Variants in PEX1 observed in about 807,000 individuals in gnomAD.
The protein encoded by PEX1 is peroxisomal ATPase PEX1.
In PEX1, 97 loss-of-function variants were observed where a neutral mutation model predicts 152.5. The ratio of observed to expected loss-of-function variants is 0.64; its 90% CI spans 0.54 to 0.75. PEX1 has a LOEUF of 0.75. Among genes scored for constraint, PEX1 ranks in the 30% least tolerant of loss-of-function variants. The probability of loss-of-function intolerance (pLI) is 0.00; values close to 1 mark genes in which losing one functional copy is unlikely to be tolerated. For synonymous variants in PEX1, 485 were observed against 531.6 expected, an observed-to-expected ratio of 0.91 and a Z score of 1.21; for missense variants, 1,357 against 1,516.3, an observed-to-expected ratio of 0.89 and a Z score of 1.74.
intron 3 of PEX1, 59 bp downstream of exon 3, chr7:92,518,936 A>G: frequency 8.7e-7 from 1 of 1,155,128 alleles, no homozygotes. Context: ...AGCTAAAGAC[A>G]TTGATATTGT....
chr7:92,514,734 A>C (rs1585249232), intron 5 of PEX1, among the ~76,000 whole-genome samples: 2 of 152,176 alleles, frequency 1.3e-5, no homozygotes, highest in African/African-American at 2.4e-5. Flanking sequence ...TAAATATACT[A>C]AAAATGACTG....
chr7:92,516,899 T>C (rs1235454870), intron 5 of PEX1, among the ~76,000 whole-genome samples: 2 of 152,196 alleles, frequency 1.3e-5, no homozygotes, highest in Admixed American at 6.5e-5. Context: ...TTTCGGTAAC[T>C]GGGGAACAAA....
chr7:92,496,706 T>TACC lies in PEX1; in HGVS notation c.2783+4_2783+6dup, dbSNP rs753998290. 2 of 1,583,550 alleles carry TACC rather than the reference T, an allele frequency of 1.3e-6. No homozygotes were observed. The highest frequency in any genetic ancestry group is 2.2e-5 in the South Asian group (2 of 90,392). ...AGTTACTTTAAAAACATTCATAGGCTACCAACCTAATAAAAATATCCCGAA... is the reference window on the plus strand; with the variant it reads ...AGTTACTTTAAAAACATTCATAGGCTACCACCAACCTAATAAAAATATCCCGAA... On this transcript the variant is annotated splice_region_variant and intron_variant, in intron 17 of 23. Transcript: ENST00000248633.
chr7:92,528,493 C>A lies in PEX1; in HGVS notation c.-58G>T. On this transcript the variant is annotated 5_prime_UTR_variant, in exon 1 of 24. Coordinates refer to ENST00000248633, the MANE Select transcript of PEX1 (RefSeq NM_000466.3). ...CTAGCGCCGCAAAGGACCCGGGACCCGGCAGGCCGAGGACGTCGGAGCCGG... is the reference window on the plus strand; with the variant it reads ...CTAGCGCCGCAAAGGACCCGGGACCAGGCAGGCCGAGGACGTCGGAGCCGG... 2 of 1,502,550 alleles carry A rather than the reference C, an allele frequency of 1.3e-6. No individual in the cohort carries two copies. The highest frequency in any genetic ancestry group is 4.2e-5 in the Admixed American group (2 of 47,972). 93.1% of individuals were successfully genotyped at this position (1,502,550 alleles called of 1,614,324 possible).
At chr7:92,491,585 A>G (rs1039302774) in intron 20 of PEX1, 83 bp from the exon 21 acceptor site, 1 of 822,210 alleles carries the variant, frequency 1.2e-6, no homozygotes, top group African/African-American at 1.7e-5. Flanking sequence ...ATAGCATTCT[A>G]TTAGAGCAAT....
At chr7:92,507,185 T>C (rs79925301) in intron 9 of PEX1, 59 bp from the exon 10 acceptor site, 13 of 1,492,560 alleles carry the variant, frequency 8.7e-6, no homozygotes, top group Admixed American at 1.8e-5. Context: ...AATTTAGCTA[T>C]AAAAAAATGC....
intron 16 of PEX1, among the ~76,000 whole-genome samples, chr7:92,498,068 G>GA (rs781116048): frequency 0.057 from 2,875 of 50,866 alleles, 168 homozygotes; most frequent in African/African-American, 0.17. Context: ...CAGTCTCAGA[G>GA]AAAAAAAAAA....
At position 92,502,060 on chromosome 7, in the gene PEX1, A is replaced by G. The variant is rs1485622048; in HGVS notation, c.2246T>C (p.Leu749Pro). Residue 749 changes from leucine to proline, a missense_variant, in exon 14 of 24, where the codon CTG becomes CCG. Transcript: ENST00000248633. ...CAATTTATTTTTTATTACATTACAC[A>G]GAATTTCACATCTTTGTTCCTAAAG... ...PPNQEQRCEI[L>P]CNVIKNKLDC... The G allele has an allele frequency of 2.5e-6, 4 of 1,606,470 alleles. No individual in the cohort carries two copies. The highest frequency in any genetic ancestry group is 3.4e-6 in the Non-Finnish European group (4 of 1,173,780).
rs546347870 is a variant in PEX1, at chr7:92,507,124, C to T, written c.1673G>A (p.Gly558Glu). The change falls in exon 10 of 24, where the codon GGA (glycine) becomes GAA (glutamate). Residue 558 changes from glycine to glutamate, a missense_variant and splice_region_variant. Gly to Glu is a moderately conservative substitution (Grantham distance 98, BLOSUM62 -2). Coordinates refer to ENST00000248633, the MANE Select transcript of PEX1 (RefSeq NM_000466.3). ...LPFLKLSSLG[G>E]VNSLGVSSLE... ...GGAGGATACGCCTAAGGAATTCACT[C>T]CTCTGTAAAAAATATACATAGTTAC... 1.2e-6 allele frequency: 2 copies of T among 1,613,296 alleles called. No homozygotes were observed. Among genetic ancestry groups the T allele is most frequent in the South Asian group, 2.2e-5 (2 of 91,064 alleles).
At position 92,492,966 on chromosome 7, in the gene PEX1, G is replaced by A; in HGVS notation, c.3194C>T (p.Ser1065Leu). The change falls in exon 20 of 24, where the codon TCG (serine) becomes TTG (leucine). Residue 1065 changes from serine (S) to leucine (L), a missense_variant. Coordinates refer to ENST00000248633, the MANE Select transcript of PEX1 (RefSeq NM_000466.3). The part of the protein sequence containing the change: ...QLEALHGMLL[S>L]SGLQDGSSSS... The stretch of plus-strand genomic sequence containing the variant: ...CATATAACTTGCCTGGAGTCCACTC[G>A]AGAGCAGCATTCCATGTAAGGCCTC... The A allele has an allele frequency of 2.5e-6, 4 of 1,613,228 alleles. No homozygotes were observed. The highest frequency in any genetic ancestry group is 1.7e-5 in the Admixed American group (1 of 59,998).
chr7:92,499,174 T>C (rs377530209), intron 16 of PEX1, among the ~76,000 whole-genome samples: 82 of 152,300 alleles, frequency 5.4e-4, no homozygotes, highest in East Asian at 3.9e-3. Context: ...TTTGAAAAGT[T>C]AGAGAATTAC....
intron 17 of PEX1, among the ~76,000 whole-genome samples, chr7:92,494,864 A>C (rs1179525328): frequency 2.6e-5 from 4 of 151,696 alleles, no homozygotes; most frequent in African/African-American, 7.2e-5. Context: ...AAACCCTTAA[A>C]GAAGGCAAGG....
chr7:92,504,276 A>G (rs1012658654), intron 12 of PEX1, among the ~76,000 whole-genome samples: 2 of 152,052 alleles, frequency 1.3e-5, no homozygotes, highest in African/African-American at 4.8e-5. Context: ...TGTAAAGCCC[A>G]GGGAATATCT....
rs148427398 is a variant in PEX1 at position 92,506,338 on chromosome 7, C to T, written c.1810G>A (p.Gly604Arg). ...ATTGCTTTGGCTAAAGTTGATTTTC[C>T]ACTTCCCTAGAAAATAATTGCTTTA... Reference protein sequence around the residue: ...ALLLTGGKGSGKSTLAKAICK... With the variant: ...ALLLTGGKGSRKSTLAKAICK... Residue 604 changes from glycine to arginine, a missense_variant, in exon 11 of 24, where the codon GGA becomes AGA. Transcript: ENST00000248633. The T allele has an allele frequency of 6.3e-6, 10 of 1,594,004 alleles. No homozygotes were observed. Among genetic ancestry groups the T allele is most frequent in the Non-Finnish European group, 6.9e-6 (8 of 1,162,076 alleles).
intron 5 of PEX1, among the ~76,000 whole-genome samples, chr7:92,515,715 CAG>C (rs1426799863): frequency 6.6e-6 from 1 of 152,186 alleles, no homozygotes; most frequent in African/African-American, 2.4e-5. Flanking sequence ...GATCTGAGGC[CAG>C]GCACAGTGGC....
intron 1 of PEX1, among the ~76,000 whole-genome samples, chr7:92,526,774 T>G (rs536498792): frequency 3.5e-4 from 53 of 152,348 alleles, no homozygotes; most frequent in Non-Finnish European, 6.3e-4. Context: ...ACTGTACGTG[T>G]GTATACAGGA....
chr7:92,519,589 A>G lies in PEX1; in HGVS notation c.274-511T>C, dbSNP rs183715330. On this transcript the variant is annotated intron_variant, in intron 2 of 23. Coordinates refer to ENST00000248633, the MANE Select transcript of PEX1 (RefSeq NM_000466.3). ...GTAAAAAATATAAGAAGAAATGACT[A>G]TATCATCAAGTTATGGCTTGATCTA... Among the ~76,000 whole-genome samples the G allele has an allele frequency of 6.0e-4, 92 of 152,334 alleles. No individual in the cohort carries two copies. The East Asian group carries it at 0.012, about 20-fold the overall frequency.
rs3842627 is a variant in PEX1 at position 92,501,370 on chromosome 7, TA to T, written c.2583+136del. 118,847 of 699,526 alleles carry T rather than the reference TA, an allele frequency of 0.17. 11,205 individuals are homozygous for T. Among genetic ancestry groups the T allele is most frequent in the East Asian group, 0.32 (11,860 of 37,172 alleles). The allele number at this position is 699,526 out of a possible 1,614,324, so 43.3% of individuals were successfully genotyped here. ...TTTGTTAAAGTACCTAAAATAGTGT[TA>T]AGACATTTATTTGGTAACTCAGTAA... On this transcript the variant is annotated intron_variant, in intron 15 of 23. Coordinates refer to ENST00000248633, the MANE Select transcript of PEX1 (RefSeq NM_000466.3).
At chr7:92,515,311 G>C (rs1049653460) in intron 5 of PEX1, among the ~76,000 whole-genome samples, 1 of 116,132 alleles carries the variant, frequency 8.6e-6, no homozygotes, top group Non-Finnish European at 1.9e-5. Flanking sequence ...CAAGTTTCCT[G>C]TTTGTTTGTT....
Sources: allele counts gnomAD v4.1 joint callset (sites outside exome capture counted in the v4.1 genomes callset), GRCh38; gene constraint gnomAD v4.1.1; transcripts MANE v1.5; gene names NCBI Gene and HGNC (gene_info 2026-07-23, HGNC 2026-07-21).